The following MYH7B variants were observed in gnomAD, a reference collection of about 807,000 sequenced individuals.
The protein encoded by MYH7B is myosin heavy chain 7B, also known as myosin-7B.
In MYH7B, 205 loss-of-function variants were observed where a neutral mutation model predicts 234.5. The observed-to-expected ratio is 0.87, with a 90% confidence interval of 0.78 to 0.98. The LOEUF is 0.98. Ranked by LOEUF, MYH7B falls within the 50% of genes least tolerant of loss-of-function variation. MYH7B has a pLI of 0.00. For synonymous variants in MYH7B, 1,193 were observed against 1,105.0 expected, an observed-to-expected ratio of 1.08 and a Z score of -1.58; for missense variants, 2,652 against 2,633.4, an observed-to-expected ratio of 1.01 and a Z score of -0.15.
At chr20:34,974,523 A>G (rs1450401012) in intron 2 of MYH7B, among the ~76,000 whole-genome samples, 1 of 152,024 alleles carries the variant, frequency 6.6e-6, no homozygotes, top group African/African-American at 2.4e-5. Flanking sequence ...GAAGATCTAG[A>G]CCCATTTTGA....
At chr20:35,001,213 G>A in intron 41 of MYH7B, 32 bp from the exon 42 acceptor site, 1 of 1,606,240 alleles carries the variant, frequency 6.2e-7, no homozygotes, top group East Asian at 2.2e-5. Context: ...CCCAGGGGTG[G>A]GCTTGGCATC....
intron 10 of MYH7B, among the ~76,000 whole-genome samples, chr20:34,983,533 G>C (rs756562490): frequency 6.6e-6 from 1 of 152,098 alleles, no homozygotes; most frequent in Non-Finnish European, 1.5e-5. Flanking sequence ...AGCTGGCAGG[G>C]ACACAGCTGG....
chr20:34,975,996 GT>G (rs2081849452), intron 3 of MYH7B, among the ~76,000 whole-genome samples: 1 of 152,168 alleles, frequency 6.6e-6, no homozygotes, highest in African/African-American at 2.4e-5. Flanking sequence ...GATTACAGGC[GT>G]GAGCCACTGC....
chr20:34,980,930 G>T, intron 8 of MYH7B, 103 bp from the exon 9 acceptor site: 2 of 1,550,670 alleles, frequency 1.3e-6, no homozygotes, highest in East Asian at 4.5e-5. Flanking sequence ...CCCATTCCTG[G>T]CTCTGGGTGG....
At chr20:34,984,654 G>A (rs753415029) in intron 10 of MYH7B, 38 bp from the exon 11 acceptor site, 2 of 1,596,012 alleles carry the variant, frequency 1.3e-6, no homozygotes, top group Non-Finnish European at 1.7e-6. Context: ...CCCCACCGGA[G>A]GCCTGGCCCT....
chr20:34,999,135 GC>G lies in MYH7B; in HGVS notation c.4272del (p.Lys1425SerfsTer11), dbSNP rs748546187. The G allele has an allele frequency of 1.2e-5, 19 of 1,613,724 alleles. No individual in the cohort carries two copies. Among genetic ancestry groups the G allele is most frequent in the Non-Finnish European group, 1.4e-5 (17 of 1,180,022 alleles). The stretch of plus-strand genomic sequence containing the variant: ...CGCCAAGTGCTCATCGTTGGAGAAG[GC>G]CAAGCTGCGGCTACAGACAGAGTCA... On this transcript the variant is annotated frameshift_variant, in exon 36 of 45. Transcript: ENST00000262873. LOFTEE classifies it high-confidence loss of function.
At chr20:34,996,359 C>A in exon 29 of MYH7B, 2 of 1,594,614 alleles carry the variant, frequency 1.3e-6, no homozygotes, top group Non-Finnish European at 1.7e-6. Flanking sequence ...AAGAACCTGA[C>A]GGAAGAGATG....
intron 7 of MYH7B, chr20:34,980,052 G>A: frequency 1.8e-6 from 1 of 552,846 alleles, no homozygotes; most frequent in Non-Finnish European, 3.2e-6. Flanking sequence ...AGTGCGGGGC[G>A]GGTCTAGAAC....
exon 24 of MYH7B, chr20:34,991,062 G>C (rs1362041641): frequency 1.2e-6 from 2 of 1,613,958 alleles, no homozygotes; most frequent in South Asian, 2.2e-5. Flanking sequence ...TCCTGGAGGG[G>C]ATCCGGATCT....
At chr20:34,987,739 C>T in intron 17 of MYH7B, 26 bp from the exon 18 acceptor site, 3 of 1,613,894 alleles carry the variant, frequency 1.9e-6, no homozygotes, top group Non-Finnish European at 1.7e-6. Context: ...TTGCCAGGTC[C>T]CAGCCCAGCC....
intron 2 of MYH7B, among the ~76,000 whole-genome samples, chr20:34,962,812 T>C (rs1376876931): frequency 2.0e-5 from 3 of 152,054 alleles, no homozygotes; most frequent in African/African-American, 7.2e-5. Flanking sequence ...CTTTAAGTCA[T>C]CTCGGCCGGG....
exon 17 of MYH7B, chr20:34,987,598 G>A (rs2084743760): frequency 1.9e-6 from 3 of 1,614,082 alleles, no homozygotes; most frequent in Non-Finnish European, 2.5e-6. Context: ...CAGCAGTGGG[G>A]ACCTCCTCAA....
chr20:34,973,144 T>C (rs1292926311), intron 2 of MYH7B, among the ~76,000 whole-genome samples: 1 of 152,150 alleles, frequency 6.6e-6, no homozygotes, highest in Non-Finnish European at 1.5e-5. Context: ...TCCCAACTGC[T>C]CAGTCCTGCC....
At chr20:34,968,472 T>C (rs2081762965) in intron 2 of MYH7B, among the ~76,000 whole-genome samples, 3 of 152,204 alleles carry the variant, frequency 2.0e-5, no homozygotes, top group Non-Finnish European at 2.9e-5. Context: ...CAAGGTCACA[T>C]AGTGAGTTGG....
intron 3 of MYH7B, 137 bp downstream of exon 3, chr20:34,975,636 T>C: frequency 1.7e-6 from 1 of 605,700 alleles, no homozygotes; most frequent in Non-Finnish European, 3.0e-6. Flanking sequence ...CCCGCGTCAT[T>C]TCCTAATGGA....
At position 34,979,363 on chromosome 20, in the gene MYH7B, G is replaced by C. The variant is rs367986188; in HGVS notation, c.92-27G>C. 7 of 1,576,382 alleles carry C rather than the reference G, an allele frequency of 4.4e-6. 1 individual carries two copies. The African/African-American group carries it at 9.5e-5, about 21-fold the overall frequency. On this transcript the variant is annotated intron_variant, in intron 5 of 44. Coordinates refer to ENST00000262873, the Ensembl canonical transcript of MYH7B. ...CCTGGAGGTGCCTCAGCCCCTCTCT[G>C]AGTCCAGAGCTCTCTCTGCAACCCA... is the stretch of plus-strand genomic sequence containing the variant.
At chr20:34,976,347 C>T (rs960249709) in intron 3 of MYH7B, among the ~76,000 whole-genome samples, 8 of 152,208 alleles carry the variant, frequency 5.3e-5, no homozygotes, top group African/African-American at 1.9e-4. Context: ...GAGGACTTCC[C>T]GTGTGAGCCT....
intron 2 of MYH7B, among the ~76,000 whole-genome samples, chr20:34,970,124 G>A (rs1454897452): frequency 6.6e-6 from 1 of 152,146 alleles, no homozygotes; most frequent in African/African-American, 2.4e-5. Context: ...GCTCTGTGCT[G>A]CCTCCCAAGC....
intron 2 of MYH7B, among the ~76,000 whole-genome samples, chr20:34,961,102 C>A (rs770097243): frequency 6.6e-6 from 1 of 152,090 alleles, no homozygotes; most frequent in African/African-American, 2.4e-5. Context: ...GTTCCCAGTC[C>A]GGCTCTCATT....
Sources: gnomAD v4.1 joint callset for allele counts (sites outside exome capture counted in the v4.1 genomes callset) on GRCh38, gnomAD v4.1.1 for gene constraint, MANE v1.5 for transcripts, NCBI Gene and HGNC (gene_info 2026-07-23, HGNC 2026-07-21) for gene names.